NCK2: variants seen among roughly 807,000 people sequenced by gnomAD.
The protein encoded by NCK2 is cytoplasmic protein NCK2.
NCK2 carries 16 observed loss-of-function variants against 33.9 expected under a neutral mutation model. The ratio of observed to expected loss-of-function variants is 0.47; its 90% CI spans 0.32 to 0.72. NCK2 has a LOEUF of 0.72. Among genes scored for constraint, NCK2 ranks in the 30% least tolerant of loss-of-function variants. The pLI is 0.03. For missense variants in NCK2, 418 were observed against 537.3 expected, an observed-to-expected ratio of 0.78 and a Z score of 2.19; for synonymous variants, 273 against 239.9, an observed-to-expected ratio of 1.14 and a Z score of -1.27.
intron 2 of NCK2, among the ~76,000 whole-genome samples, chr2:105,836,916 C>T (rs962099463): frequency 1.1e-4 from 16 of 152,182 alleles, no homozygotes; most frequent in Admixed American, 6.5e-5. Context: ...AAAACAACTG[C>T]ATGGATGCCA....
intron 2 of NCK2, among the ~76,000 whole-genome samples, chr2:105,848,800 G>A (rs576596211): frequency 1.8e-4 from 28 of 152,268 alleles, no homozygotes; most frequent in African/African-American, 6.7e-4. Context: ...TGCATTTTAA[G>A]GCATGAGATA....
rs190930431 is a variant in NCK2 at position 105,839,678 on chromosome 2, G to A, written c.-16-15370G>A. 1.2e-3 allele frequency among the ~76,000 whole-genome samples: 180 copies of A among 152,340 alleles called. 1 individual carries two copies. The highest frequency in any genetic ancestry group is 4.2e-3 in the African/African-American group (174 of 41,572). On this transcript the variant is annotated intron_variant, in intron 2 of 4. Transcript: ENST00000233154. ...TGAAGTGCATGTTAGACATCCAGAT[G>A]CAGATGTTCACCAGGTAGCTGGGTG...
chr2:105,811,162 C>CAAA lies in NCK2; in HGVS notation c.-200-5254_-200-5252dup, dbSNP rs11358569. Among the ~76,000 whole-genome samples the CAAA allele has an allele frequency of 1.5e-3, 205 of 140,188 alleles. 1 individual carries two copies. The East Asian group carries it at 0.016, about 11-fold the overall frequency. 92.0% of individuals were successfully genotyped at this position (140,188 alleles called of 152,430 possible). A position where few individuals can be genotyped will look rare whatever the true frequency, so the allele number is the denominator to read the frequency against. ...TGCACTCCAGCCTGGTGACAGAGTG[C>CAAA]AAAAAAAAAAAAAAAATGCATTATG... is the stretch of plus-strand genomic sequence containing the variant. On this transcript the variant is annotated intron_variant, in intron 1 of 4. Coordinates refer to ENST00000233154, the MANE Select transcript of NCK2 (RefSeq NM_003581.5).
intron 1 of NCK2, among the ~76,000 whole-genome samples, chr2:105,810,879 A>G (rs1436121436): frequency 6.6e-6 from 1 of 152,166 alleles, no homozygotes; most frequent in Non-Finnish European, 1.5e-5. Flanking sequence ...TTATATTAAT[A>G]TTTGCCCGGC....
At chr2:105,813,929 G>A (rs1486209526) in intron 1 of NCK2, among the ~76,000 whole-genome samples, 1 of 152,190 alleles carries the variant, frequency 6.6e-6, no homozygotes, top group Non-Finnish European at 1.5e-5. Flanking sequence ...TAGTGCTAGT[G>A]AAGTACTTTT....
chr2:105,754,993 C>G (rs1291298779), intron 1 of NCK2, among the ~76,000 whole-genome samples: 1 of 151,988 alleles, frequency 6.6e-6, no homozygotes, highest in Non-Finnish European at 1.5e-5. Flanking sequence ...GTGTGTGACT[C>G]CCCTCACCCC....
chr2:105,881,947 C>G lies in NCK2; in HGVS notation c.846C>G (p.Gly282=), dbSNP rs1332831403. Residue 282 remains glycine, a synonymous_variant, in exon 4 of 5, where the codon GGC becomes GGG. Transcript: ENST00000233154. Reference sequence around the variant, plus strand: ...CCTCGTCCAGCGGGCGCTTCGCGGGCAGAGAGTGGTACTACGGGAACGTGA... The same window carrying G: ...CCTCGTCCAGCGGGCGCTTCGCGGGGAGAGAGTGGTACTACGGGAACGTGA... The part of the protein sequence containing the change: ...TGPSSSGRFA[G]REWYYGNVTR... The G allele has an allele frequency of 1.3e-6, 2 of 1,557,676 alleles. No individual in the cohort carries two copies. Among genetic ancestry groups the G allele is most frequent in the Non-Finnish European group, 1.7e-6 (2 of 1,153,330 alleles).
At chr2:105,780,342 AC>A (rs1690449882) in intron 1 of NCK2, among the ~76,000 whole-genome samples, 1 of 143,494 alleles carries the variant, frequency 7.0e-6, no homozygotes, top group African/African-American at 2.6e-5. Flanking sequence ...ACACACACAC[AC>A]ACACACACAC....
At chr2:105,760,043 T>G (rs1033243699) in intron 1 of NCK2, among the ~76,000 whole-genome samples, 2 of 152,180 alleles carry the variant, frequency 1.3e-5, no homozygotes, top group Non-Finnish European at 2.9e-5. Flanking sequence ...CACTGTCAAG[T>G]GACTCTTTTC....
Position 105,881,944 on chromosome 2 carries a change from G to C in NCK2, c.843G>C (p.Ala281=), listed in dbSNP as rs141984711. 8.1e-4 allele frequency: 1,258 copies of C among 1,559,328 alleles called. No homozygotes were observed. The highest frequency in any genetic ancestry group is 1.0e-3 in the Non-Finnish European group (1,186 of 1,153,772). ...GGCCCTCGTCCAGCGGGCGCTTCGC[G>C]GGCAGAGAGTGGTACTACGGGAACG... The part of the protein sequence containing the change: ...YTGPSSSGRF[A]GREWYYGNVT... The change falls in exon 4 of 5, where the codon GCG becomes GCC. Residue 281 remains alanine (A), a synonymous_variant. Coordinates refer to ENST00000233154, the MANE Select transcript of NCK2 (RefSeq NM_003581.5).
intron 2 of NCK2, among the ~76,000 whole-genome samples, chr2:105,850,575 C>T (rs1287629776): frequency 1.3e-5 from 2 of 152,120 alleles, no homozygotes; most frequent in African/African-American, 4.8e-5. Flanking sequence ...TAGCCCTTCT[C>T]TCTTTGGGCT....
At chr2:105,849,350 T>C (rs954238177) in intron 2 of NCK2, among the ~76,000 whole-genome samples, 1 of 150,316 alleles carries the variant, frequency 6.7e-6, no homozygotes, top group African/African-American at 2.5e-5. Flanking sequence ...ATTGTGCCAC[T>C]GCACTCCAGC....
intron 4 of NCK2, 39 bp from the exon 5 acceptor site, chr2:105,892,943 C>A: frequency 6.4e-7 from 1 of 1,562,436 alleles, no homozygotes; most frequent in Non-Finnish European, 8.8e-7. Flanking sequence ...CAGCTCCCCG[C>A]TGTGGCCCGG....
chr2:105,802,308 C>T (rs1261209646), intron 1 of NCK2, among the ~76,000 whole-genome samples: 1 of 152,244 alleles, frequency 6.6e-6, no homozygotes, highest in Non-Finnish European at 1.5e-5. Flanking sequence ...ATGGTGCTGT[C>T]TGCAGAGGCA....
In NCK2 at chr2:105,811,547, G is replaced by A. The variant is rs114347220; in HGVS notation, c.-200-4883G>A. Among the ~76,000 whole-genome samples the A allele has an allele frequency of 4.4e-3, 664 of 152,334 alleles. 2 individuals carry two copies. Among genetic ancestry groups the A allele is most frequent in the Non-Finnish European group, 7.6e-3 (516 of 68,036 alleles). Reference sequence around the variant, plus strand: ...CAGAAGTTGCCAGCCTGGAGATTCAGTCCTTGTCTTTAAGGAGCATCTGAG... The same window carrying A: ...CAGAAGTTGCCAGCCTGGAGATTCAATCCTTGTCTTTAAGGAGCATCTGAG... On this transcript the variant is annotated intron_variant, in intron 1 of 4. Coordinates refer to ENST00000233154, the MANE Select transcript of NCK2 (RefSeq NM_003581.5).
intron 1 of NCK2, among the ~76,000 whole-genome samples, chr2:105,772,858 G>T (rs181830097): frequency 2.7e-5 from 4 of 149,964 alleles, no homozygotes; most frequent in Non-Finnish European, 5.9e-5. Context: ...TTCACAGTGT[G>T]TTCCTGGCGA....
chr2:105,838,827 C>T lies in NCK2; in HGVS notation c.-16-16221C>T, dbSNP rs377104409. Among the ~76,000 whole-genome samples, 12 of 152,278 alleles carry T rather than the reference C, an allele frequency of 7.9e-5. No individual in the cohort carries two copies. In the East Asian group the frequency reaches 1.7e-3, roughly 22 times the overall value. On this transcript the variant is annotated intron_variant, in intron 2 of 4. Coordinates refer to ENST00000233154, the MANE Select transcript of NCK2 (RefSeq NM_003581.5). ...TGAGTATATATATGCATGCTAGGCA[C>T]CCATCTAAGTCTTGGCTTACAAAGG...
At chr2:105,863,618 A>G (rs1677632976) in intron 3 of NCK2, among the ~76,000 whole-genome samples, 1 of 152,146 alleles carries the variant, frequency 6.6e-6, no homozygotes, top group Admixed American at 6.5e-5. Flanking sequence ...AATCGGGAAA[A>G]TAATACTGGC....
At chr2:105,875,640 G>T (rs1678206877) in intron 3 of NCK2, among the ~76,000 whole-genome samples, 1 of 152,164 alleles carries the variant, frequency 6.6e-6, no homozygotes, top group African/African-American at 2.4e-5. Flanking sequence ...TGCCATGTGA[G>T]GACACAGCAA....
Sources: gnomAD v4.1 joint callset for allele counts (sites outside exome capture counted in the v4.1 genomes callset) on GRCh38, gnomAD v4.1.1 for gene constraint, MANE v1.5 for transcripts, NCBI Gene and HGNC (gene_info 2026-07-23, HGNC 2026-07-21) for gene names.